Variants in ARHGAP22 observed in about 807,000 individuals in gnomAD.
ARHGAP22 encodes the protein Rho GTPase activating protein 22.
ARHGAP22 carries 48 observed loss-of-function variants against 59.1 expected under a neutral mutation model. The ratio of observed to expected loss-of-function variants is 0.81; its 90% CI spans 0.64 to 1.03. ARHGAP22 has a LOEUF of 1.03. Among genes scored for constraint, ARHGAP22 ranks in the 50% least tolerant of loss-of-function variants. The pLI is 0.00. For synonymous variants in ARHGAP22, 445 were observed against 416.4 expected, an observed-to-expected ratio of 1.07 and a Z score of -0.84; for missense variants, 1,015 against 958.7, an observed-to-expected ratio of 1.06 and a Z score of -0.78.
At chr10:48,476,032 TC>T (rs2048692752) in intron 4 of ARHGAP22, among the ~76,000 whole-genome samples, 1 of 152,120 alleles carries the variant, frequency 6.6e-6, no homozygotes, top group Admixed American at 6.5e-5. Flanking sequence ...TCTCTTGTGT[TC>T]CCCTCCCTGC....
intron 4 of ARHGAP22, among the ~76,000 whole-genome samples, chr10:48,466,954 C>G (rs1044002250): frequency 6.6e-6 from 1 of 152,218 alleles, no homozygotes; most frequent in Non-Finnish European, 1.5e-5. Flanking sequence ...CTTTGGAGCG[C>G]CCGCTTAACC....
chr10:48,594,396 G>A (rs1309405646), intron 1 of ARHGAP22, among the ~76,000 whole-genome samples: 1 of 152,216 alleles, frequency 6.6e-6, no homozygotes, highest in Non-Finnish European at 1.5e-5. Context: ...TGCCAACCAG[G>A]GGCTCAGTGA....
chr10:48,579,400 A>T (rs1425019766), intron 2 of ARHGAP22, among the ~76,000 whole-genome samples: 1 of 152,222 alleles, frequency 6.6e-6, no homozygotes, highest in Non-Finnish European at 1.5e-5. Context: ...GGAAGCCTCT[A>T]CTTGTGAAAC....
chr10:48,514,804 T>C (rs1282879972), intron 3 of ARHGAP22, among the ~76,000 whole-genome samples: 1 of 151,988 alleles, frequency 6.6e-6, no homozygotes, highest in Non-Finnish European at 1.5e-5. Context: ...CACCAACGAG[T>C]CAGGCAGCAG....
At chr10:48,647,769 C>T (rs2062371485) in intron 1 of ARHGAP22, among the ~76,000 whole-genome samples, 2 of 152,094 alleles carry the variant, frequency 1.3e-5, no homozygotes, top group African/African-American at 2.4e-5. Flanking sequence ...CGTAATAATC[C>T]CAATCCAAAA....
At chr10:48,433,404 A>G in the ARHGAP22 span, among the ~76,000 whole-genome samples, 6 of 152,260 alleles carry the variant, frequency 3.9e-5, no homozygotes, top group Non-Finnish European at 5.9e-5. Context: ...TATGTATGGT[A>G]CACAGATATA....
chr10:48,573,739 T>C (rs2058539747), intron 2 of ARHGAP22, among the ~76,000 whole-genome samples: 1 of 152,226 alleles, frequency 6.6e-6, no homozygotes, highest in African/African-American at 2.4e-5. Context: ...ATTTGTCCAA[T>C]GCTTAGTGAA....
intron 2 of ARHGAP22, among the ~76,000 whole-genome samples, chr10:48,572,843 G>A (rs1368109798): frequency 1.3e-5 from 2 of 152,114 alleles, no homozygotes; most frequent in African/African-American, 4.8e-5. Context: ...GACCAAACCT[G>A]GAAATGGCAT....
At chr10:48,603,664 C>T (rs758301741) in intron 1 of ARHGAP22, among the ~76,000 whole-genome samples, 10 of 152,222 alleles carry the variant, frequency 6.6e-5, no homozygotes, top group Non-Finnish European at 1.5e-4. Context: ...CTTGCCCCCT[C>T]CTCAGCAGAG....
At chr10:48,487,821 C>G (rs1222883239) in intron 3 of ARHGAP22, among the ~76,000 whole-genome samples, 2 of 152,168 alleles carry the variant, frequency 1.3e-5, no homozygotes, top group Non-Finnish European at 2.9e-5. Flanking sequence ...AATCCCAGCA[C>G]TTTGGGAGGC....
chr10:48,530,236 CAAAAAAAAA>C (rs60902650), intron 3 of ARHGAP22, among the ~76,000 whole-genome samples: 2 of 49,040 alleles, frequency 4.1e-5, no homozygotes, highest in Non-Finnish European at 7.7e-5. Context: ...GACTCCATTG[CAAAAAAAAA>C]AAAAAAAAAA....
At chr10:48,454,401 C>T (rs552810960) in intron 6 of ARHGAP22, among the ~76,000 whole-genome samples, 8 of 152,090 alleles carry the variant, frequency 5.3e-5, no homozygotes, top group Non-Finnish European at 1.0e-4. Flanking sequence ...CTACAGGGCC[C>T]GTGGAGGAAT....
At chr10:48,574,463 T>A (rs1424521960) in intron 2 of ARHGAP22, among the ~76,000 whole-genome samples, 1 of 152,220 alleles carries the variant, frequency 6.6e-6, no homozygotes, top group African/African-American at 2.4e-5. Context: ...AGCAGTGACA[T>A]CCTCTTGGCT....
At position 48,650,021 on chromosome 10, in the gene ARHGAP22, A is replaced by AGAGAGG. The variant is rs2062487256; in HGVS notation, c.52+2207_52+2212dup. Among the ~76,000 whole-genome samples, 4 of 151,590 alleles carry AGAGAGG rather than the reference A, an allele frequency of 2.6e-5. No homozygotes were observed. In the South Asian group the frequency reaches 8.4e-4, roughly 32 times the overall value. On this transcript the variant is annotated intron_variant, in intron 1 of 9. Transcript: ENST00000435790. The stretch of plus-strand genomic sequence containing the variant: ...GAGGGAGAGAGAGAGAAAGAGAGAG[A>AGAGAGG]GAGAGGGAGAGAGAGAGAGAGACCA...
At chr10:48,588,553 G>C (rs4838629) in intron 1 of ARHGAP22, among the ~76,000 whole-genome samples, 10,461 of 152,252 alleles carry the variant, frequency 0.069, 378 homozygotes, top group Middle Eastern at 0.11. Flanking sequence ...GAACAGATCA[G>C]AGTTTCTGGA....
At chr10:48,451,195 C>T (rs774532375) in intron 8 of ARHGAP22, 55 bp from the exon 9 acceptor site, 3 of 1,548,796 alleles carry the variant, frequency 1.9e-6, no homozygotes, top group Non-Finnish European at 1.7e-6. Flanking sequence ...GGCCCAGGCT[C>T]GCTCTGCCAG....
chr10:48,650,350 T>C (rs2062510649), intron 1 of ARHGAP22, among the ~76,000 whole-genome samples: 1 of 152,140 alleles, frequency 6.6e-6, no homozygotes, highest in African/African-American at 2.4e-5. Flanking sequence ...ACATATTGCA[T>C]GAGTCCATTT....
chr10:48,583,296 T>C, intron 1 of ARHGAP22, 144 bp from the exon 2 acceptor site: 1 of 956,516 alleles, frequency 1.0e-6, no homozygotes, highest in South Asian at 1.6e-5. Flanking sequence ...CTACTTCCCC[T>C]TGGCATTGAA....
chr10:48,590,397 G>A (rs2059679342), intron 1 of ARHGAP22, among the ~76,000 whole-genome samples: 1 of 152,100 alleles, frequency 6.6e-6, no homozygotes, highest in African/African-American at 2.4e-5. Context: ...AGGTTAGCAT[G>A]AGATGGCAAG....
Sources: allele counts gnomAD v4.1 joint callset (sites outside exome capture counted in the v4.1 genomes callset), GRCh38; gene constraint gnomAD v4.1.1; transcripts MANE v1.5; gene names NCBI Gene and HGNC (gene_info 2026-07-23, HGNC 2026-07-21).